The following SCRG1 variants were observed in gnomAD, a reference collection of about 807,000 sequenced individuals.
SCRG1 encodes stimulator of chondrogenesis 1.
In SCRG1, 3 loss-of-function variants were observed where a neutral mutation model predicts 7.7. The observed-to-expected ratio is 0.39, with a 90% CI of 0.18 to 1.01. The LOEUF is 1.01. SCRG1 is among the 50% of genes least tolerant of loss of function. The pLI is 0.36. For synonymous variants in SCRG1, 46 were observed against 41.2 expected, an observed-to-expected ratio of 1.12 and a Z score of -0.44; for missense variants, 110 against 117.2, an observed-to-expected ratio of 0.94 and a Z score of 0.28.
chr4:173,482,300 A>G, the SCRG1 span, among the ~76,000 whole-genome samples: 4 of 152,170 alleles, frequency 2.6e-5, no homozygotes, highest in Admixed American at 2.6e-4. Flanking sequence ...CCATGGTTAG[A>G]ATAGGTTAGA....
chr4:173,422,978 A>G, the SCRG1 span, among the ~76,000 whole-genome samples: 1 of 152,188 alleles, frequency 6.6e-6, no homozygotes, highest in Admixed American at 6.5e-5. Context: ...AGCAGTCTCC[A>G]AGGATTATGT....
At chr4:173,496,256 A>C in the SCRG1 span, among the ~76,000 whole-genome samples, 5 of 152,146 alleles carry the variant, frequency 3.3e-5, no homozygotes, top group African/African-American at 4.8e-5. Context: ...GTACATTAAC[A>C]GTAGGAGAAA....
the SCRG1 span, among the ~76,000 whole-genome samples, chr4:173,444,367 C>A: frequency 1.3e-5 from 2 of 152,166 alleles, no homozygotes; most frequent in Non-Finnish European, 2.9e-5. Context: ...ATTCTGTACA[C>A]CAATGGTCAG....
chr4:173,487,445 T>C, the SCRG1 span, among the ~76,000 whole-genome samples: 1 of 152,314 alleles, frequency 6.6e-6, no homozygotes, highest in Admixed American at 6.5e-5. Flanking sequence ...AAAAGTCCTT[T>C]GAAAATCTCA....
In SCRG1 at chr4:173,388,298, G is replaced by C. The variant is rs1401969563; in HGVS notation, c.*43C>G. ...CAGTTATACTGATGTAGTGCAGTTT[G>C]TGGGAAATCAGGAATGGTGTTCTCC... is the stretch of plus-strand genomic sequence containing the variant. On this transcript the variant is annotated 3_prime_UTR_variant, in exon 3 of 3. Transcript: ENST00000296506. 2.1e-6 allele frequency: 3 copies of C among 1,449,942 alleles called. No homozygotes were observed. Among genetic ancestry groups the C allele is most frequent in the Admixed American group, 1.7e-5 (1 of 58,184 alleles). The allele number at this position is 1,449,942 out of a possible 1,614,324, so 89.8% of individuals were successfully genotyped here.
the SCRG1 span, chr4:173,419,835 C>T: frequency 7.2e-7 from 1 of 1,397,622 alleles, no homozygotes; most frequent in Non-Finnish European, 1.0e-6. Context: ...TTGTCCATGC[C>T]TAACCTATTG....
the SCRG1 span, among the ~76,000 whole-genome samples, chr4:173,506,915 G>A: frequency 6.6e-6 from 1 of 152,194 alleles, no homozygotes; most frequent in Non-Finnish European, 1.5e-5. This position sits in a 1 kb window ranked among gnomAD's most constrained non-coding sequence, Gnocchi z 5.3. Flanking sequence ...TCCCCGGCCG[G>A]GCTCGCTGTT....
chr4:173,400,291 A>T (rs963194711), upstream of SCRG1, among the ~76,000 whole-genome samples: 7 of 152,236 alleles, frequency 4.6e-5, no homozygotes, highest in African/African-American at 1.4e-4. Context: ...TAACTTTCAA[A>T]GGCTTGGGCC....
At chr4:173,488,854 G>A in the SCRG1 span, among the ~76,000 whole-genome samples, 1 of 152,144 alleles carries the variant, frequency 6.6e-6, no homozygotes, top group Non-Finnish European at 1.5e-5. Context: ...GCTAGCCTTG[G>A]TCCTTACTCC....
chr4:173,518,389 T>A, the SCRG1 span, among the ~76,000 whole-genome samples: 1 of 152,302 alleles, frequency 6.6e-6, no homozygotes. Context: ...TAAAGTTACT[T>A]ATTTTTTTAA....
the SCRG1 span, among the ~76,000 whole-genome samples, chr4:173,510,334 C>A: frequency 2.0e-5 from 3 of 151,900 alleles, no homozygotes; most frequent in African/African-American, 7.3e-5. This position sits in a 1 kb window ranked among gnomAD's most constrained non-coding sequence, Gnocchi z 5.7. Context: ...TTCCTAAGGC[C>A]TAAGGAAAGC....
the SCRG1 span, among the ~76,000 whole-genome samples, chr4:173,418,307 G>A: frequency 2.6e-5 from 4 of 152,148 alleles, no homozygotes; most frequent in Non-Finnish European, 4.4e-5. Flanking sequence ...GTGGTTTGGT[G>A]AGACCTGCTT....
chr4:173,403,483 C>G (rs180911279), upstream of SCRG1, among the ~76,000 whole-genome samples: 184 of 152,168 alleles, frequency 1.2e-3, 1 homozygote, highest in African/African-American at 4.2e-3. Flanking sequence ...TGCGCCGCCC[C>G]GGGAATGCTG....
At chr4:173,514,546 A>C in the SCRG1 span, among the ~76,000 whole-genome samples, 1 of 152,164 alleles carries the variant, frequency 6.6e-6, no homozygotes, top group African/African-American at 2.4e-5. Flanking sequence ...AGTTTAAATA[A>C]AAAAGGGGGG....
At chr4:173,489,763 G>A in the SCRG1 span, among the ~76,000 whole-genome samples, 2 of 152,122 alleles carry the variant, frequency 1.3e-5, no homozygotes, top group African/African-American at 4.8e-5. Flanking sequence ...TAAGAAAGAG[G>A]TTAATGAGGA....
At chr4:173,483,234 T>TC in the SCRG1 span, among the ~76,000 whole-genome samples, 3 of 47,558 alleles carry the variant, frequency 6.3e-5, no homozygotes, top group South Asian at 2.9e-3. Flanking sequence ...ATATTATATA[T>TC]AATATATGAT....
At chr4:173,450,954 G>A in the SCRG1 span, among the ~76,000 whole-genome samples, 1 of 152,082 alleles carries the variant, frequency 6.6e-6, no homozygotes, top group Admixed American at 6.6e-5. Context: ...GGAGAGAGAA[G>A]GGGGACCTGA....
At chr4:173,480,071 G>T in the SCRG1 span, among the ~76,000 whole-genome samples, 15 of 151,922 alleles carry the variant, frequency 9.9e-5, no homozygotes, top group Non-Finnish European at 1.8e-4. Flanking sequence ...CTGGGCTCAA[G>T]CATGATCCTC....
chr4:173,517,884 C>T, the SCRG1 span, among the ~76,000 whole-genome samples: 1 of 152,240 alleles, frequency 6.6e-6, no homozygotes, highest in African/African-American at 2.4e-5. Flanking sequence ...CGAAAGCTCC[C>T]TCCTGGGCAG....
Sources: allele counts gnomAD v4.1 joint callset (sites outside exome capture counted in the v4.1 genomes callset), GRCh38; gene constraint gnomAD v4.1.1; non-coding constraint Gnocchi (gnomAD v3.1); transcripts MANE v1.5; gene names NCBI Gene and HGNC (gene_info 2026-07-23, HGNC 2026-07-21).